The following RBFOX1 variants were observed in gnomAD, a reference collection of about 807,000 sequenced individuals.
RBFOX1 encodes the protein RNA binding fox-1 homolog 1.
Under a neutral mutation model 57.7 loss-of-function variants are expected in RBFOX1, and 8 were observed. The observed-to-expected ratio is 0.14, with a 90% confidence interval of 0.08 to 0.25. The LOEUF (loss-of-function observed/expected upper bound fraction) is 0.25, where lower values mean the gene tolerates loss of function less well. Ranked by LOEUF, RBFOX1 falls within the 10% of genes least tolerant of loss-of-function variation. The pLI, the probability that RBFOX1 is intolerant of heterozygous loss-of-function variation, is 1.00. For missense variants in RBFOX1, 611 were observed against 548.5 expected, an observed-to-expected ratio of 1.11 and a Z score of -1.14; for synonymous variants, 326 against 222.4, an observed-to-expected ratio of 1.47 and a Z score of -4.15.
intron 4 of RBFOX1, among the ~76,000 whole-genome samples, chr16:7,447,386 T>C (rs2098817063): frequency 7.3e-6 from 1 of 137,520 alleles, no homozygotes; most frequent in Non-Finnish European, 1.5e-5. Context: ...TGAGCTGAGA[T>C]CATGCCACTG....
intron 3 of RBFOX1, among the ~76,000 whole-genome samples, chr16:5,855,422 A>G (rs1447211611): frequency 2.0e-5 from 3 of 152,130 alleles, no homozygotes; most frequent in African/African-American, 7.2e-5. Flanking sequence ...TAAGGATTCA[A>G]TTATATTCTT....
At chr16:5,541,392 G>T (rs897626670) in intron 2 of RBFOX1, among the ~76,000 whole-genome samples, 11 of 152,026 alleles carry the variant, frequency 7.2e-5, no homozygotes, top group African/African-American at 2.4e-4. Flanking sequence ...AAGGTAGTCG[G>T]GGCACAGCCT....
In RBFOX1 at chr16:6,962,973, G is replaced by C. The variant is rs1424902848; in HGVS notation, c.-15-89084G>C. 2.6e-5 allele frequency among the ~76,000 whole-genome samples: 4 copies of C among 152,250 alleles called. No individual in the cohort carries two copies. The South Asian group carries it at 8.3e-4, about 32-fold the overall frequency. The stretch of plus-strand genomic sequence containing the variant: ...CTTTGATCGCTCAGCAGTTTGCATG[G>C]CAAAGGAGAAAAAGAATGCTGACTC... On this transcript the variant is annotated intron_variant, in intron 3 of 15. Transcript: ENST00000550418.
chr16:5,831,646 C>A (rs759195201), intron 3 of RBFOX1, among the ~76,000 whole-genome samples: 1 of 151,970 alleles, frequency 6.6e-6, no homozygotes, highest in Non-Finnish European at 1.5e-5. Flanking sequence ...CCCACCACCA[C>A]GCCTGGCTAA....
At chr16:7,223,883 T>C (rs934651512) in intron 4 of RBFOX1, among the ~76,000 whole-genome samples, 13 of 152,000 alleles carry the variant, frequency 8.6e-5, no homozygotes, top group African/African-American at 3.1e-4. Flanking sequence ...TTATGGCTGG[T>C]TGGTGAGCAT....
At chr16:6,549,929 C>G (rs1458264956) in intron 2 of RBFOX1, among the ~76,000 whole-genome samples, 1 of 152,156 alleles carries the variant, frequency 6.6e-6, no homozygotes, top group South Asian at 2.1e-4. Flanking sequence ...GCTCTGCTTA[C>G]CAGTTCACAG....
chr16:7,429,980 C>T (rs2098663023), intron 4 of RBFOX1, among the ~76,000 whole-genome samples: 1 of 152,184 alleles, frequency 6.6e-6, no homozygotes, highest in South Asian at 2.1e-4. Flanking sequence ...TCCCTGCAAT[C>T]ATTGAGTTTC....
At chr16:6,531,593 A>G (rs115336802) in intron 2 of RBFOX1, among the ~76,000 whole-genome samples, 1,925 of 152,242 alleles carry the variant, frequency 0.013, 42 homozygotes, top group African/African-American at 0.044. Flanking sequence ...TAGGGTTTCA[A>G]TAAAAGTGGC....
intron 2 of RBFOX1, among the ~76,000 whole-genome samples, chr16:5,476,603 C>G (rs2069333874): frequency 6.6e-6 from 1 of 152,194 alleles, no homozygotes; most frequent in South Asian, 2.1e-4. Flanking sequence ...GGAGTTGAAG[C>G]AAAGTAAGAT....
intron 2 of RBFOX1, among the ~76,000 whole-genome samples, chr16:6,488,946 T>G (rs1241339082): frequency 1.3e-5 from 2 of 152,184 alleles, no homozygotes; most frequent in Admixed American, 1.3e-4. Context: ...ACTTCAATTA[T>G]TAAACATTTA....
At chr16:5,724,004 A>G (rs531918548) in intron 3 of RBFOX1, among the ~76,000 whole-genome samples, 3 of 133,372 alleles carry the variant, frequency 2.2e-5, no homozygotes, top group South Asian at 2.7e-4. Flanking sequence ...GTGTCGGTGT[A>G]TAGCTCCCTA....
chr16:6,968,130 A>T (rs1454334703), intron 3 of RBFOX1, among the ~76,000 whole-genome samples: 1 of 152,056 alleles, frequency 6.6e-6, no homozygotes, highest in Non-Finnish European at 1.5e-5. Flanking sequence ...CCCCGCACAG[A>T]CACCACCGCT....
intron 2 of RBFOX1, among the ~76,000 whole-genome samples, chr16:6,451,627 T>C (rs1214650870): frequency 6.6e-6 from 1 of 152,206 alleles, no homozygotes; most frequent in Non-Finnish European, 1.5e-5. Flanking sequence ...TTCCTGGTCA[T>C]CTTTCGAGAC....
At chr16:7,586,253 A>G (rs1478857388) in intron 6 of RBFOX1, among the ~76,000 whole-genome samples, 2 of 152,138 alleles carry the variant, frequency 1.3e-5, no homozygotes, top group African/African-American at 2.4e-5. Flanking sequence ...AGGTTAGGCT[A>G]CTGTACTCAA....
chr16:7,186,994 CAA>C (rs35177784), intron 4 of RBFOX1, among the ~76,000 whole-genome samples: 15,991 of 69,608 alleles, frequency 0.23, 1,106 homozygotes, highest in East Asian at 0.43. Flanking sequence ...CCCACCTCCA[CAA>C]AAAAAAAAAA....
At chr16:5,730,891 C>T (rs1313884878) in intron 3 of RBFOX1, among the ~76,000 whole-genome samples, 1 of 152,136 alleles carries the variant, frequency 6.6e-6, no homozygotes, top group East Asian at 1.9e-4. Flanking sequence ...ATCATTGCCA[C>T]TGTCATCACC....
chr16:6,590,636 C>T (rs567761551), intron 2 of RBFOX1, among the ~76,000 whole-genome samples: 6 of 152,138 alleles, frequency 3.9e-5, no homozygotes, highest in Admixed American at 3.9e-4. Flanking sequence ...TGGGGCCTAG[C>T]TGGAGGCCTC....
intron 2 of RBFOX1, among the ~76,000 whole-genome samples, chr16:6,454,323 A>G (rs1193521318): frequency 6.6e-6 from 1 of 152,138 alleles, no homozygotes; most frequent in Non-Finnish European, 1.5e-5. Flanking sequence ...TTGGGAGGTC[A>G]AGGCAGGTGA....
rs535876683 is a variant in RBFOX1 at position 7,076,306 on chromosome 16, T to C, written c.27+24208T>C. ...CTTGGCCTCTCAAAGTGCTGGGATT[T>C]CAGGCGTGAACCACCACTCCCGGCC... On this transcript the variant is annotated intron_variant, in intron 4 of 15. Transcript: ENST00000550418. Among the ~76,000 whole-genome samples, 12 of 151,970 alleles carry C rather than the reference T, an allele frequency of 7.9e-5. No individual in the cohort carries two copies. The East Asian group carries it at 2.1e-3, about 27-fold the overall frequency.
Sources: allele counts gnomAD v4.1 joint callset (sites outside exome capture counted in the v4.1 genomes callset), GRCh38; gene constraint gnomAD v4.1.1; transcripts MANE v1.5; gene names NCBI Gene and HGNC (gene_info 2026-07-23, HGNC 2026-07-21).